The following LDB2 variants were observed in gnomAD, a reference collection of about 807,000 sequenced individuals.
LDB2 encodes the protein LIM domain binding 2.
LDB2 carries 12 observed loss-of-function variants against 44.3 expected under a neutral mutation model. That is an observed-to-expected ratio of 0.27 (90% CI 0.17 to 0.44). The LOEUF (loss-of-function observed/expected upper bound fraction) is 0.44. Among genes scored for constraint, LDB2 ranks in the 20% least tolerant of loss-of-function variants. The probability of loss-of-function intolerance (pLI) is 1.00; values close to 1 mark genes in which losing one functional copy is unlikely to be tolerated. For missense variants in LDB2, 344 were observed against 473.5 expected, an observed-to-expected ratio of 0.73 and a Z score of 2.54; for synonymous variants, 164 against 174.8, an observed-to-expected ratio of 0.94 and a Z score of 0.49.
intron 2 of LDB2, among the ~76,000 whole-genome samples, chr4:16,636,156 C>T (rs12506426): frequency 0.35 from 53,076 of 152,066 alleles, 9,515 homozygotes; most frequent in East Asian, 0.56. Context: ...TAAAAGTCAT[C>T]GTCATGTTAT....
chr4:16,747,388 A>G (rs536686648), intron 2 of LDB2, among the ~76,000 whole-genome samples: 1 of 152,328 alleles, frequency 6.6e-6, no homozygotes, highest in East Asian at 1.9e-4. Context: ...TTAGCGGTTT[A>G]TTTACATAAT....
At chr4:16,639,316 C>T (rs376783110) in intron 2 of LDB2, among the ~76,000 whole-genome samples, 58 of 152,172 alleles carry the variant, frequency 3.8e-4, no homozygotes, top group Admixed American at 6.5e-4. Flanking sequence ...TTAGCATGGG[C>T]GTGACTTGGC....
intron 2 of LDB2, among the ~76,000 whole-genome samples, chr4:16,611,176 G>A (rs1172236982): frequency 1.3e-5 from 2 of 152,050 alleles, no homozygotes; most frequent in Non-Finnish European, 2.9e-5. Flanking sequence ...GAGGGATTTC[G>A]TTACCACCAG....
chr4:16,832,202 A>G (rs577969189), intron 1 of LDB2, among the ~76,000 whole-genome samples: 80 of 152,248 alleles, frequency 5.3e-4, no homozygotes, highest in Non-Finnish European at 7.5e-4. Flanking sequence ...CACTTTACAC[A>G]TATCATGTTC....
intron 5 of LDB2, among the ~76,000 whole-genome samples, chr4:16,578,567 A>G (rs1296317103): frequency 6.6e-6 from 1 of 152,220 alleles, no homozygotes; most frequent in Admixed American, 6.5e-5. Context: ...AATGCTGGTG[A>G]GGATGTGGAG....
chr4:16,897,012 C>A (rs1725211287), intron 1 of LDB2, among the ~76,000 whole-genome samples: 1 of 152,156 alleles, frequency 6.6e-6, no homozygotes, highest in African/African-American at 2.4e-5. Context: ...GGTGTATTAA[C>A]ATATAAAGAA....
At chr4:16,637,298 G>GTTTT (rs1578381692) in intron 2 of LDB2, among the ~76,000 whole-genome samples, 4 of 56,924 alleles carry the variant, frequency 7.0e-5, no homozygotes, top group Non-Finnish European at 6.3e-5. Flanking sequence ...TGCCTAGGCT[G>GTTTT]ATTTTTTTTT....
At chr4:16,576,388 G>A (rs528788439) in intron 5 of LDB2, among the ~76,000 whole-genome samples, 2 of 151,912 alleles carry the variant, frequency 1.3e-5, no homozygotes, top group South Asian at 2.1e-4. Flanking sequence ...TAAAATCATA[G>A]TTGAAAAAGG....
chr4:16,567,056 CTA>C (rs1415106678), intron 5 of LDB2, among the ~76,000 whole-genome samples: 2 of 152,162 alleles, frequency 1.3e-5, no homozygotes, highest in East Asian at 3.8e-4. Flanking sequence ...GGTACAACCA[CTA>C]TGTTGAATAA....
At chr4:16,734,202 G>A (rs1035614436) in intron 2 of LDB2, among the ~76,000 whole-genome samples, 3 of 152,200 alleles carry the variant, frequency 2.0e-5, no homozygotes, top group Non-Finnish European at 4.4e-5. Context: ...TGTAGTGACA[G>A]TGATGATGGC....
chr4:16,711,555 A>G (rs1439335903), intron 2 of LDB2, among the ~76,000 whole-genome samples: 1 of 152,228 alleles, frequency 6.6e-6, no homozygotes, highest in African/African-American at 2.4e-5. Flanking sequence ...GACAAGTCTG[A>G]TCTGGGTTTT....
intron 2 of LDB2, among the ~76,000 whole-genome samples, chr4:16,656,220 A>G (rs937839828): frequency 2.0e-5 from 3 of 152,176 alleles, no homozygotes; most frequent in African/African-American, 7.2e-5. Context: ...TCCTTTAAAA[A>G]TGTAATCTTG....
intron 3 of LDB2, among the ~76,000 whole-genome samples, chr4:16,591,867 G>A (rs1719088943): frequency 6.8e-6 from 1 of 146,354 alleles, no homozygotes; most frequent in African/African-American, 2.5e-5. Flanking sequence ...TTTATCTGAA[G>A]TCGGCCTTTT....
chr4:16,503,746 C>A (rs1394517952), intron 7 of LDB2, among the ~76,000 whole-genome samples: 1 of 152,176 alleles, frequency 6.6e-6, no homozygotes, highest in East Asian at 1.9e-4. Flanking sequence ...AGCTGGTAGT[C>A]ATCAGAGATG....
chr4:16,571,063 T>G (rs1746359043), intron 5 of LDB2, among the ~76,000 whole-genome samples: 1 of 151,974 alleles, frequency 6.6e-6, no homozygotes, highest in African/African-American at 2.4e-5. Flanking sequence ...AGGCCAGAAG[T>G]TGGGGGCAGG....
chr4:16,883,466 C>A (rs992613863), intron 1 of LDB2, among the ~76,000 whole-genome samples: 53 of 152,218 alleles, frequency 3.5e-4, no homozygotes, highest in African/African-American at 1.2e-3. Flanking sequence ...TATGGGCCTG[C>A]AATGGGGCAT....
In LDB2 at chr4:16,714,890, C is replaced by T. The variant is rs74480043; in HGVS notation, c.235+44268G>A. Reference sequence around the variant, plus strand: ...CCTCTCCTTTCTCTTCTGGGGACATCGGTCATTGGATTTAGGACCGCCTTA... The same window carrying T: ...CCTCTCCTTTCTCTTCTGGGGACATTGGTCATTGGATTTAGGACCGCCTTA... On this transcript the variant is annotated intron_variant, in intron 2 of 7. Transcript: ENST00000304523. Among the ~76,000 whole-genome samples the T allele has an allele frequency of 3.6e-3, 552 of 152,180 alleles. 24 individuals are homozygous for T. In the South Asian group the frequency reaches 0.077, roughly 21 times the overall value.
chr4:16,559,608 A>G (rs551565294), intron 5 of LDB2, among the ~76,000 whole-genome samples: 1 of 152,158 alleles, frequency 6.6e-6, no homozygotes, highest in African/African-American at 2.4e-5. Context: ...CTCCCACACA[A>G]TAATAATGGG....
At chr4:16,873,635 A>T (rs1443671455) in intron 1 of LDB2, among the ~76,000 whole-genome samples, 3 of 152,228 alleles carry the variant, frequency 2.0e-5, no homozygotes, top group African/African-American at 7.2e-5. Flanking sequence ...GGCATTTCTT[A>T]ATATTGTTTT....
Sources: gnomAD v4.1 joint callset for allele counts (sites outside exome capture counted in the v4.1 genomes callset) on GRCh38, gnomAD v4.1.1 for gene constraint, MANE v1.5 for transcripts, NCBI Gene and HGNC (gene_info 2026-07-23, HGNC 2026-07-21) for gene names.